The following FCHO2 variants were observed in gnomAD, a reference collection of about 807,000 sequenced individuals.
FCHO2 encodes the protein F-BAR domain only protein 2.
A neutral mutation model predicts 114.1 loss-of-function variants in FCHO2; 43 were observed. That is an observed-to-expected ratio of 0.38 (90% CI 0.30 to 0.49). The LOEUF is 0.49. FCHO2 is among the 20% of genes least tolerant of loss of function. FCHO2 has a pLI of 0.97. For synonymous variants in FCHO2, 293 were observed against 315.2 expected (o/e 0.93, Z 0.75); for missense variants, 807 against 950.4 (o/e 0.85, Z 1.98).
chr5:73,076,572 G>A (rs144988995), intron 20 of FCHO2, among the ~76,000 whole-genome samples: 146 of 152,324 alleles, frequency 9.6e-4, no homozygotes, highest in African/African-American at 3.3e-3. Flanking sequence ...TATAAGAGCA[G>A]ATGAGTTCCA....
At chr5:73,047,878 C>T (rs997603684) in intron 11 of FCHO2, among the ~76,000 whole-genome samples, 1 of 151,880 alleles carries the variant, frequency 6.6e-6, no homozygotes, top group Non-Finnish European at 1.5e-5. Context: ...GCTCTGTTGC[C>T]TAGGCTGGAG....
At chr5:73,053,974 GA>G (rs1757463288) in intron 13 of FCHO2, among the ~76,000 whole-genome samples, 185 bp from the exon 14 acceptor site, 1 of 152,046 alleles carries the variant, frequency 6.6e-6, no homozygotes, top group Non-Finnish European at 1.5e-5. Context: ...TATTGGATAA[GA>G]AAAGATTATA....
chr5:73,048,747 A>G (rs1327006472), intron 11 of FCHO2, among the ~76,000 whole-genome samples: 2 of 151,162 alleles, frequency 1.3e-5, no homozygotes, highest in African/African-American at 4.9e-5. Context: ...TTTGTTACAC[A>G]TTGCTGAGTT....
At chr5:73,053,481 G>A (rs1757429585) in intron 13 of FCHO2, among the ~76,000 whole-genome samples, 1 of 152,138 alleles carries the variant, frequency 6.6e-6, no homozygotes, top group Non-Finnish European at 1.5e-5. Context: ...GGATCACAAG[G>A]TCAGGAGATG....
intron 2 of FCHO2, among the ~76,000 whole-genome samples, chr5:72,984,141 A>G (rs1168215336): frequency 6.6e-6 from 1 of 152,150 alleles, no homozygotes; most frequent in African/African-American, 2.4e-5. Flanking sequence ...ATGGGATGAT[A>G]TATTTTTCTT....
intron 1 of FCHO2, among the ~76,000 whole-genome samples, chr5:72,962,891 C>CA (rs200678156): frequency 0.18 from 25,066 of 139,072 alleles, 2,335 homozygotes; most frequent in East Asian, 0.36. Context: ...GACTCTGTCT[C>CA]AAAAAAAAAA....
intron 13 of FCHO2, among the ~76,000 whole-genome samples, chr5:73,053,509 C>T (rs1039118910): frequency 4.6e-5 from 7 of 152,038 alleles, no homozygotes; most frequent in African/African-American, 1.7e-4. Flanking sequence ...TCCTGGCTAA[C>T]ACAGTGAAAC....
rs1225150708 is a variant in FCHO2, at chr5:72,968,652, T to C, written c.125+63T>C. ...TAATAGCAATTTAAATTTTAGAATA[T>C]AAATAATGGAGAAAACTTTATTTGG... On this transcript the variant is annotated intron_variant, in intron 2 of 25. Coordinates refer to ENST00000430046, the MANE Select transcript of FCHO2 (RefSeq NM_138782.3). 3.4e-6 allele frequency: 4 copies of C among 1,163,990 alleles called. No individual in the cohort carries two copies. The African/African-American group carries it at 6.4e-5, about 19-fold the overall frequency. The allele number at this position is 1,163,990 out of a possible 1,614,324, so 72.1% of individuals were successfully genotyped here. A position where few individuals can be genotyped will look rare whatever the true frequency, so the allele number is the denominator to read the frequency against.
chr5:72,979,905 T>A (rs1477950100), intron 2 of FCHO2, among the ~76,000 whole-genome samples: 2 of 152,190 alleles, frequency 1.3e-5, no homozygotes, highest in East Asian at 3.9e-4. Context: ...GCTCCTGGAT[T>A]CATTGATTTT....
intron 1 of FCHO2, among the ~76,000 whole-genome samples, chr5:72,959,337 C>T (rs1227437712): frequency 6.6e-6 from 1 of 152,044 alleles, no homozygotes; most frequent in East Asian, 1.9e-4. Context: ...TAGACCTTGT[C>T]TCTACAAAAA....
At chr5:72,958,560 C>G (rs914433530) in intron 1 of FCHO2, among the ~76,000 whole-genome samples, 1 of 152,130 alleles carries the variant, frequency 6.6e-6, no homozygotes, top group African/African-American at 2.4e-5. Context: ...CAGTAACACA[C>G]AGTTTGGATT....
intron 10 of FCHO2, among the ~76,000 whole-genome samples, chr5:73,040,562 C>T (rs1222503598): frequency 6.6e-6 from 1 of 152,136 alleles, no homozygotes; most frequent in African/African-American, 2.4e-5. Context: ...ATATTTAGGT[C>T]TTCTTTATAA....
chr5:73,021,099 C>T lies in FCHO2; in HGVS notation c.796+3791C>T, dbSNP rs762337076. 2.9e-4 allele frequency: 233 copies of T among 802,922 alleles called. 1 individual carries two copies. The highest frequency in any genetic ancestry group is 5.0e-4 in the Non-Finnish European group (218 of 439,218). The allele number at this position is 802,922 out of a possible 1,614,324, so 49.7% of individuals were successfully genotyped here. A position where few individuals can be genotyped will look rare whatever the true frequency, so the allele number is the denominator to read the frequency against. ...AGAAGACATTGATGATTCGGTCCCCCAGTGGGTTGATGACAAGTTCTGGAA... is the reference window on the plus strand; with the variant it reads ...AGAAGACATTGATGATTCGGTCCCCTAGTGGGTTGATGACAAGTTCTGGAA... On this transcript the variant is annotated intron_variant, in intron 8 of 25. Coordinates refer to ENST00000430046, the MANE Select transcript of FCHO2 (RefSeq NM_138782.3).
intron 18 of FCHO2, among the ~76,000 whole-genome samples, chr5:73,066,165 C>A (rs1279531047): frequency 6.6e-6 from 1 of 151,982 alleles, no homozygotes; most frequent in African/African-American, 2.4e-5. Flanking sequence ...AAGTGGGACT[C>A]ATAGTTGAAT....
At chr5:72,967,519 T>C (rs1752267545) in intron 1 of FCHO2, among the ~76,000 whole-genome samples, 1 of 152,220 alleles carries the variant, frequency 6.6e-6, no homozygotes, top group South Asian at 2.1e-4. Context: ...AATTTCTTAC[T>C]GTGTGTTAAA....
At chr5:72,985,354 G>C (rs1753456390) in intron 2 of FCHO2, among the ~76,000 whole-genome samples, 1 of 151,942 alleles carries the variant, frequency 6.6e-6, no homozygotes, top group African/African-American at 2.4e-5. Context: ...TAGAGGCAGG[G>C]TTTCACCATG....
At chr5:73,068,178 A>T (rs1353298709) in intron 18 of FCHO2, among the ~76,000 whole-genome samples, 1 of 152,094 alleles carries the variant, frequency 6.6e-6, no homozygotes, top group African/African-American at 2.4e-5. Flanking sequence ...ACATCAACCC[A>T]TTCATAAAAG....
chr5:73,038,965 T>C (rs1028056336), intron 10 of FCHO2, among the ~76,000 whole-genome samples: 56 of 152,350 alleles, frequency 3.7e-4, no homozygotes, highest in African/African-American at 1.3e-3. Context: ...TCATTACTGT[T>C]CATGTAGGGA....
intron 18 of FCHO2, among the ~76,000 whole-genome samples, chr5:73,066,414 T>C (rs563466332): frequency 6.6e-6 from 1 of 152,160 alleles, no homozygotes; most frequent in South Asian, 2.1e-4. Context: ...ACTGTCCTTA[T>C]GGTTTCTTAG....
Sources: gnomAD v4.1 joint callset for allele counts (sites outside exome capture counted in the v4.1 genomes callset) on GRCh38, gnomAD v4.1.1 for gene constraint, MANE v1.5 for transcripts, NCBI Gene and HGNC (gene_info 2026-07-23, HGNC 2026-07-21) for gene names.